MPG: variants seen among roughly 807,000 people sequenced by gnomAD.
MPG encodes the protein N-methylpurine DNA glycosylase.
MPG carries 33 observed loss-of-function variants against 31.7 expected under a neutral mutation model. That is an observed-to-expected ratio of 1.04 (90% CI 0.79 to 1.39). The LOEUF is 1.39. Among genes scored for constraint, MPG ranks in the 40% most tolerant of loss-of-function variants. MPG has a pLI of 0.00. For missense variants in MPG, 455 were observed against 415.5 expected, an observed-to-expected ratio of 1.10 and a Z score of -0.83; for synonymous variants, 202 against 169.2, an observed-to-expected ratio of 1.19 and a Z score of -1.51.
At chr16:78,205 C>T, upstream of MPG, 1 of 1,094,092 alleles carries the variant, frequency 9.1e-7, no homozygotes, top group South Asian at 2.3e-5. Context: ...TCCCCTTCTG[C>T]GCAGGCGCCG....
In MPG at chr16:79,432, G is replaced by C; in HGVS notation, c.32G>C (p.Arg11Pro). 1 of 1,613,130 alleles carries C rather than the reference G, an allele frequency of 6.2e-7. No individual in the cohort carries two copies. The highest frequency in any genetic ancestry group is 8.5e-7 in the Non-Finnish European group (1 of 1,179,982). Residue 11 changes from arginine to proline, a missense_variant, in exon 2 of 4, where the codon CGA becomes CCA. Physicochemically the swap from Arg to Pro is moderately radical, Grantham distance 103 (BLOSUM62 -2). Coordinates refer to ENST00000356432, the MANE Select transcript of MPG (RefSeq NM_001015052.3). Reference sequence around the variant, plus strand: ...TTTTTTTTCCCATTACAGTTTTGCCGACGGATGGGGCAAAAGAAGCAGCGA... The same window carrying C: ...TTTTTTTTCCCATTACAGTTTTGCCCACGGATGGGGCAAAAGAAGCAGCGA... Reference protein sequence around the residue: MPARSGAQFCRRMGQKKQRPA... With the variant: MPARSGAQFCPRMGQKKQRPA...
rs957274153 is a variant in MPG at position 83,130 on chromosome 16, G to A, written c.379G>A (p.Asp127Asn). The A allele has an allele frequency of 2.5e-5, 40 of 1,613,064 alleles. No homozygotes were observed. The highest frequency in any genetic ancestry group is 3.3e-5 in the Non-Finnish European group (39 of 1,179,932). ...VETEAYLGPEDEAAHSRGGRQ... is the reference protein window; with the variant it reads ...VETEAYLGPENEAAHSRGGRQ... ...GACCGAGGCATACCTGGGGCCAGAG[G>A]ATGAAGCCGCCCACTCAAGGGGTGG... Residue 127 changes from aspartate (D) to asparagine (N), a missense_variant, in exon 3 of 4, where the codon GAT becomes AAT. Coordinates refer to ENST00000356432, the MANE Select transcript of MPG (RefSeq NM_001015052.3).
rs754858141 is a variant in MPG, at chr16:85,399, A to T, written c.506-2A>T. The T allele has an allele frequency of 6.3e-7, 1 of 1,599,628 alleles. No homozygotes were observed. Among genetic ancestry groups the T allele is most frequent in the Non-Finnish European group, 8.5e-7 (1 of 1,172,188 alleles). ...TCCACTTCCAAACTGTCCGTCCCAC[A>T]GGGGACGGGGCTTGCGTCTTGCTGC... On this transcript the variant is annotated splice_acceptor_variant, in intron 3 of 3. Coordinates refer to ENST00000356432, the MANE Select transcript of MPG (RefSeq NM_001015052.3). LOFTEE classifies it high-confidence loss of function.
chr16:77,828 C>T (rs3176368), upstream of MPG, among the ~76,000 whole-genome samples: 28,259 of 151,906 alleles, frequency 0.19, 6,878 homozygotes, highest in African/African-American at 0.56. Context: ...GTCTGCGGCC[C>T]GCCCCCTCCC....
rs1050764 is a variant in MPG, at chr16:85,522, C to T, written c.627C>T (p.Leu209=). The T allele has an allele frequency of 1.2e-6, 2 of 1,613,400 alleles. No homozygotes were observed. The highest frequency in any genetic ancestry group is 8.5e-7 in the Non-Finnish European group (1 of 1,180,034). The stretch of plus-strand genomic sequence containing the variant: ...GCCGTGTCCTCAAGGACCGCGAGCT[C>T]TGCAGTGGCCCCTCCAAGCTGTGCC... The part of the protein sequence containing the change: ...TASRVLKDRE[L]CSGPSKLCQA... Residue 209 remains leucine (L), a synonymous_variant, in exon 4 of 4, where the codon CTC becomes CTT. Transcript: ENST00000356432.
rs754765496 is a variant in MPG, at chr16:79,487, G to A, written c.87G>A (p.Ser29=). ...CTAGAGCAGGGCAGCCACACAGCTC[G>A]TCCGACGCAGCCCAGGCACCTGCAG... ...RPARAGQPHS[S]SDAAQAPAEQ... is the part of the protein sequence containing the mutation. Residue 29 remains serine (S), a synonymous_variant, in exon 2 of 4, where the codon TCG becomes TCA. Coordinates refer to ENST00000356432, the MANE Select transcript of MPG (RefSeq NM_001015052.3). The A allele has an allele frequency of 2.0e-5, 32 of 1,612,636 alleles. No individual in the cohort carries two copies. Among genetic ancestry groups the A allele is most frequent in the African/African-American group, 1.2e-4 (9 of 74,878 alleles).
Position 79,412 on chromosome 16 carries a change from T to C in MPG, c.25-13T>C, listed in dbSNP as rs1898178258. The C allele has an allele frequency of 6.2e-7, 1 of 1,613,558 alleles. No homozygotes were observed. The highest frequency in any genetic ancestry group is 8.5e-7 in the Non-Finnish European group (1 of 1,179,968). On this transcript the variant is annotated splice_polypyrimidine_tract_variant and intron_variant, in intron 1 of 3. Coordinates refer to ENST00000356432, the MANE Select transcript of MPG (RefSeq NM_001015052.3). ...CCTATTCGGATGCTTATTTATTTTT[T>C]TTCCCATTACAGTTTTGCCGACGGA...
At chr16:83,689 C>G (rs3176421) in intron 3 of MPG, among the ~76,000 whole-genome samples, 3,850 of 147,978 alleles carry the variant, frequency 0.026, 144 homozygotes, top group African/African-American at 0.091. Context: ...TGCAGGGAGC[C>G]AAGATCGCGC....
chr16:82,878 A>G (rs1419340274), intron 2 of MPG, among the ~76,000 whole-genome samples, 174 bp from the exon 3 acceptor site: 1 of 152,136 alleles, frequency 6.6e-6, no homozygotes, highest in Non-Finnish European at 1.5e-5. Context: ...CAATAGCCAC[A>G]TTCAGCCTCA....
intron 3 of MPG, 34 bp downstream of exon 3, chr16:83,290 C>T: frequency 6.3e-7 from 1 of 1,583,332 alleles, no homozygotes; most frequent in Non-Finnish European, 8.6e-7. Flanking sequence ...GGTTGGAGGG[C>T]CGGCAGAGCC....
intron 2 of MPG, among the ~76,000 whole-genome samples, chr16:81,997 T>C (rs7195385): frequency 0.037 from 1,748 of 46,904 alleles, 74 homozygotes; most frequent in African/African-American, 0.12. Flanking sequence ...CACCACCCTA[T>C]CTCCGGGAAG....
intron 2 of MPG, among the ~76,000 whole-genome samples, chr16:80,197 A>G (rs3176396): frequency 0.17 from 25,467 of 152,004 alleles, 5,231 homozygotes; most frequent in African/African-American, 0.49. Flanking sequence ...GGTGGGGCCT[A>G]CGGTGCAGCC....
At position 78,290 on chromosome 16, in the gene MPG, G is replaced by T; in HGVS notation, c.-20G>T. 1.5e-6 allele frequency: 2 copies of T among 1,348,788 alleles called. No individual in the cohort carries two copies. The highest frequency in any genetic ancestry group is 1.9e-6 in the Non-Finnish European group (2 of 1,046,850). 83.6% of individuals were successfully genotyped at this position (1,348,788 alleles called of 1,614,324 possible). On this transcript the variant is annotated 5_prime_UTR_variant, in exon 1 of 4. Transcript: ENST00000356432. ...CGCGCCGGGGTCCGAGTCCCACGAA[G>T]CCCCGGCCCGAGCCGCCGGATGCCC...
At chr16:79,245 G>A (rs776444790) in intron 1 of MPG, 180 bp from the exon 2 acceptor site, 1 of 1,552,748 alleles carries the variant, frequency 6.4e-7, no homozygotes, top group East Asian at 2.4e-5. Context: ...ATCATTTCCT[G>A]AGGCCTCGAG....
chr16:78,165 C>T, upstream of MPG: 1 of 626,094 alleles, frequency 1.6e-6, no homozygotes, highest in Non-Finnish European at 2.3e-6. Context: ...CAGTTCCCGG[C>T]GCTCACTGCC....
rs762993083 is a variant in MPG at position 83,049 on chromosome 16, C to G, written c.301-3C>G. 6.3e-7 allele frequency: 1 copy of G among 1,588,908 alleles called. No individual in the cohort carries two copies. The highest frequency in any genetic ancestry group is 1.7e-5 in the Admixed American group (1 of 58,424). ...GCCCTGAGCAGAAACTGACTGCCCA[C>G]AGGTCCTAGTCCGGCGACTTCCTAA... is the stretch of plus-strand genomic sequence containing the variant. On this transcript the variant is annotated splice_region_variant and splice_polypyrimidine_tract_variant and intron_variant, in intron 2 of 3. Transcript: ENST00000356432.
intron 1 of MPG, chr16:79,091 G>C (rs919253161): frequency 3.0e-5 from 43 of 1,444,340 alleles, no homozygotes; most frequent in Admixed American, 1.6e-4. Flanking sequence ...GGGAATCGGA[G>C]GGCACCAGCC....
chr16:83,466 C>T (rs926834749), intron 3 of MPG: 10 of 549,674 alleles, frequency 1.8e-5, no homozygotes, highest in Non-Finnish European at 2.6e-5. Flanking sequence ...TGGGGCCGGG[C>T]GCGGTGGCTC....
At chr16:81,942 T>C in intron 2 of MPG, among the ~76,000 whole-genome samples, 1 of 126,376 alleles carries the variant, frequency 7.9e-6, no homozygotes, top group East Asian at 2.3e-4. Flanking sequence ...CCACCCTACC[T>C]CCAGGAAGCC....
Sources: allele counts gnomAD v4.1 joint callset (sites outside exome capture counted in the v4.1 genomes callset), GRCh38; gene constraint gnomAD v4.1.1; transcripts MANE v1.5; gene names NCBI Gene and HGNC (gene_info 2026-07-23, HGNC 2026-07-21).